Variants in OPA3 observed in about 807,000 individuals in gnomAD.
OPA3 encodes the protein optic atrophy 3 protein.
In OPA3, 6 loss-of-function variants were observed where a neutral mutation model predicts 4.0. The ratio of observed to expected loss-of-function variants is 1.51; its 90% CI spans 0.83 to 2.99. OPA3 has a LOEUF of 2.99. OPA3 is among the 30% of genes most tolerant of loss of function. The pLI is 0.00. For synonymous variants in OPA3, 105 were observed against 117.1 expected (o/e 0.90, Z 0.67); for missense variants, 235 against 256.2 (o/e 0.92, Z 0.56).
chr19:45,537,667 T>C (rs369848581), intron 1 of OPA3, among the ~76,000 whole-genome samples: 5 of 150,258 alleles, frequency 3.3e-5, no homozygotes, highest in South Asian at 2.1e-4. Context: ...AGTTTCGCTC[T>C]TGTTGCCCAG....
intron 1 of OPA3, among the ~76,000 whole-genome samples, chr19:45,568,637 A>C (rs1465333232): frequency 6.6e-6 from 1 of 152,114 alleles, no homozygotes; most frequent in Admixed American, 6.6e-5. Context: ...ACAATGCTCC[A>C]GTTACCAGAG....
At chr19:45,535,982 G>A (rs1212135930) in intron 1 of OPA3, among the ~76,000 whole-genome samples, 2 of 151,660 alleles carry the variant, frequency 1.3e-5, no homozygotes, top group Non-Finnish European at 2.9e-5. Context: ...ACCCCAGTAC[G>A]TTGAGAGGCC....
chr19:45,548,605 G>C lies in OPA3; in HGVS notation c.*4909C>G, dbSNP rs1969285150. The C allele has an allele frequency of 3.0e-6, 3 of 985,146 alleles. No individual in the cohort carries two copies. The highest frequency in any genetic ancestry group is 3.6e-6 in the Non-Finnish European group (3 of 829,782). 61.0% of individuals were successfully genotyped at this position (985,146 alleles called of 1,614,324 possible). ...TGTCTCTGTCACCACTGTGACCCCAGCATAGGGTGGGGCAGAGAGTGGGTA... is the reference window on the plus strand; with the variant it reads ...TGTCTCTGTCACCACTGTGACCCCACCATAGGGTGGGGCAGAGAGTGGGTA... On this transcript the variant is annotated 3_prime_UTR_variant, in exon 2 of 2. Coordinates refer to ENST00000263275, the MANE Select transcript of OPA3 (RefSeq NM_025136.4).
chr19:45,551,810 G>A lies in OPA3; in HGVS notation c.*1704C>T, dbSNP rs1356093729. 2.1e-5 allele frequency: 21 copies of A among 985,384 alleles called. No homozygotes were observed. Among genetic ancestry groups the A allele is most frequent in the Non-Finnish European group, 2.0e-5 (17 of 830,010 alleles). The allele number at this position is 985,384 out of a possible 1,614,324, so 61.0% of individuals were successfully genotyped here. On this transcript the variant is annotated 3_prime_UTR_variant, in exon 2 of 2. Coordinates refer to ENST00000263275, the MANE Select transcript of OPA3 (RefSeq NM_025136.4). ...GGCTGTCGGGTCAGTCCAGAGCTCC[G>A]AGGAAAGAAAGCAAGAGCACACAGA... is the stretch of plus-strand genomic sequence containing the variant.
At chr19:45,583,127 A>G (rs1600007552) in intron 1 of OPA3, among the ~76,000 whole-genome samples, 1 of 150,754 alleles carries the variant, frequency 6.6e-6, no homozygotes. Flanking sequence ...CCCTTATTTT[A>G]TGTCCCACGT....
chr19:45,564,218 T>C (rs1282367070), intron 1 of OPA3, among the ~76,000 whole-genome samples: 1 of 151,398 alleles, frequency 6.6e-6, no homozygotes. Flanking sequence ...AGGGAATCAA[T>C]GCAAGCCTTG....
chr19:45,573,987 A>AC (rs1211831880), intron 1 of OPA3, among the ~76,000 whole-genome samples: 2 of 151,496 alleles, frequency 1.3e-5, no homozygotes, highest in East Asian at 3.9e-4. Context: ...ACATGGTGAA[A>AC]CCCCGTCTCT....
intron 1 of OPA3, among the ~76,000 whole-genome samples, chr19:45,572,447 T>G (rs1340472986): frequency 8.2e-6 from 1 of 121,388 alleles, no homozygotes; most frequent in Non-Finnish European, 1.6e-5. Context: ...TGTATATCAA[T>G]ATATGATATA....
At chr19:45,544,218 A>G (rs1417888031), downstream of OPA3, among the ~76,000 whole-genome samples, 4 of 152,178 alleles carry the variant, frequency 2.6e-5, no homozygotes, top group Admixed American at 2.6e-4. Flanking sequence ...CAAATGATCT[A>G]AGCCTAAAAA....
downstream of OPA3, among the ~76,000 whole-genome samples, chr19:45,542,559 G>T (rs1423284362): frequency 6.6e-6 from 1 of 151,954 alleles, no homozygotes; most frequent in African/African-American, 2.4e-5. Context: ...ACATAGAAAC[G>T]GTACAGTAAA....
intron 1 of OPA3, among the ~76,000 whole-genome samples, chr19:45,580,979 C>A (rs1969846981): frequency 6.6e-6 from 1 of 152,166 alleles, no homozygotes; most frequent in South Asian, 2.1e-4. Context: ...CAGGCAGAGA[C>A]AGGAAACAAA....
At chr19:45,581,417 C>A (rs1969853880) in intron 1 of OPA3, among the ~76,000 whole-genome samples, 2 of 152,176 alleles carry the variant, frequency 1.3e-5, no homozygotes, top group Non-Finnish European at 1.5e-5. Flanking sequence ...CCTTCAGGTC[C>A]CAATTCAGAT....
chr19:45,537,301 C>G (rs551090520), intron 1 of OPA3, among the ~76,000 whole-genome samples: 2 of 135,412 alleles, frequency 1.5e-5, no homozygotes, highest in East Asian at 2.4e-4. Flanking sequence ...GCAGGCTGAG[C>G]GAGGAGGATC....
At chr19:45,559,393 C>CTTTTTTTTTTTTTTTTTTTT (rs1411300137) in intron 1 of OPA3, among the ~76,000 whole-genome samples, 2 of 97,824 alleles carry the variant, frequency 2.0e-5, no homozygotes, top group South Asian at 3.5e-4. Context: ...CCCTCTTTTT[C>CTTTTTTTTTTTTTTTTTTTT]TTTCTTTTTT....
At chr19:45,560,924 A>G (rs1475475007) in intron 1 of OPA3, among the ~76,000 whole-genome samples, 1 of 152,124 alleles carries the variant, frequency 6.6e-6, no homozygotes, top group Non-Finnish European at 1.5e-5. Flanking sequence ...ATTGTTCAAG[A>G]TTTTTCTGAG....
intron 1 of OPA3, among the ~76,000 whole-genome samples, chr19:45,556,302 C>G (rs940492145): frequency 1.3e-5 from 2 of 152,030 alleles, no homozygotes; most frequent in African/African-American, 4.8e-5. Context: ...TGCCACCATG[C>G]CTGGCTAATT....
At chr19:45,529,308 C>T (rs1269481324) in exon 2 of OPA3, 1 of 1,614,180 alleles carries the variant, frequency 6.2e-7, no homozygotes, top group South Asian at 1.1e-5. Flanking sequence ...ACTCCAGCAT[C>T]AGGCAGCTGC....
intron 1 of OPA3, among the ~76,000 whole-genome samples, chr19:45,555,234 A>G (rs934854986): frequency 1.3e-5 from 2 of 152,238 alleles, no homozygotes; most frequent in Non-Finnish European, 2.9e-5. Flanking sequence ...CCGACATATA[A>G]ATCACTAGAT....
chr19:45,562,999 T>C (rs1168771666), intron 1 of OPA3, among the ~76,000 whole-genome samples: 1 of 152,162 alleles, frequency 6.6e-6, no homozygotes, highest in Non-Finnish European at 1.5e-5. Flanking sequence ...GGCTCGACTG[T>C]GAGGAAATGG....
Sources: allele counts gnomAD v4.1 joint callset (sites outside exome capture counted in the v4.1 genomes callset), GRCh38; gene constraint gnomAD v4.1.1; transcripts MANE v1.5; gene names NCBI Gene and HGNC (gene_info 2026-07-23, HGNC 2026-07-21).